ST6GAL2: variants seen among roughly 807,000 people sequenced by gnomAD.
ST6GAL2 encodes the protein ST6 beta-galactoside alpha-2,6-sialyltransferase 2, also known as beta-galactoside alpha-2,6-sialyltransferase 2.
A neutral mutation model predicts 37.5 loss-of-function variants in ST6GAL2; 24 were observed. The ratio of observed to expected loss-of-function variants is 0.64; its 90% CI spans 0.46 to 0.90. The LOEUF (loss-of-function observed/expected upper bound fraction) is 0.90, where lower values mean the gene tolerates loss of function less well. Ranked by LOEUF, ST6GAL2 falls within the 40% of genes least tolerant of loss-of-function variation. The pLI is 0.00. For missense variants in ST6GAL2, 715 were observed against 712.7 expected (o/e 1.00, Z -0.04); for synonymous variants, 306 against 295.1 (o/e 1.04, Z -0.38).
chr2:106,843,215 G>C lies in ST6GAL2; in HGVS notation c.763C>G (p.Leu255Val). 1 of 1,563,122 alleles carries C rather than the reference G, an allele frequency of 6.4e-7. No individual in the cohort carries two copies. Among genetic ancestry groups the C allele is most frequent in the Non-Finnish European group, 8.7e-7 (1 of 1,153,742 alleles). ...GTCCGCACGCGCGCGCGGCTCCGCA[G>C]CTGGCACAGCAGCTGTGCCCTGCTC... ...GLSRAQLLCQ[L>V]RSRARVRTLD... The change falls in exon 2 of 6, where the codon CTG becomes GTG. Residue 255 changes from leucine to valine, a missense_variant. Physicochemically the swap from Leu to Val is conservative, Grantham distance 32. Coordinates refer to ENST00000409382, the MANE Select transcript of ST6GAL2 (RefSeq NM_001142351.2).
intron 5 of ST6GAL2, among the ~76,000 whole-genome samples, chr2:106,810,954 A>AAAAT (rs57102776): frequency 3.8e-4 from 57 of 151,562 alleles, no homozygotes; most frequent in African/African-American, 1.3e-3. Flanking sequence ...GCATCCTGTC[A>AAAAT]AAATAAATAA....
chr2:106,802,358 T>C lies in ST6GAL2; in HGVS notation c.*4320A>G, dbSNP rs970814924. The C allele has an allele frequency of 6.6e-6, 1 of 151,596 alleles. No homozygotes were observed. The highest frequency in any genetic ancestry group is 2.4e-5 in the African/African-American group (1 of 41,246). The allele number at this position is 151,596 out of a possible 1,614,324, so 9.4% of individuals were successfully genotyped here. ...ACACAATTATATAACTATATCTACA[T>C]GTACACTTTTCATACTAAGAACTAG... On this transcript the variant is annotated 3_prime_UTR_variant, in exon 6 of 6. Coordinates refer to ENST00000409382, the MANE Select transcript of ST6GAL2 (RefSeq NM_001142351.2).
In ST6GAL2 at chr2:106,805,734, C is replaced by T. The variant is rs1324341596; in HGVS notation, c.*944G>A. On this transcript the variant is annotated 3_prime_UTR_variant, in exon 6 of 6. Coordinates refer to ENST00000409382, the MANE Select transcript of ST6GAL2 (RefSeq NM_001142351.2). ...CAGGGTGATGGCTCCAAAATCTTTC[C>T]TTCTAGTTTGGAAGGAGCAAGGTGT... The T allele has an allele frequency of 6.6e-6, 1 of 152,184 alleles. No individual in the cohort carries two copies. Among genetic ancestry groups the T allele is most frequent in the Admixed American group, 6.5e-5 (1 of 15,276 alleles). The allele number at this position is 152,184 out of a possible 1,614,324, so 9.4% of individuals were successfully genotyped here.
At chr2:106,853,903 C>T (rs1677471488) in intron 1 of ST6GAL2, among the ~76,000 whole-genome samples, 1 of 152,192 alleles carries the variant, frequency 6.6e-6, no homozygotes, top group African/African-American at 2.4e-5. Flanking sequence ...AAACAGCATT[C>T]ATCTGCTTTG....
At chr2:106,860,475 A>G (rs1241464563) in intron 1 of ST6GAL2, among the ~76,000 whole-genome samples, 2 of 152,166 alleles carry the variant, frequency 1.3e-5, no homozygotes, top group East Asian at 3.9e-4. Flanking sequence ...ACAAATGGCT[A>G]GTGAGGGGTT....
chr2:106,838,562 T>C (rs1003274079), intron 2 of ST6GAL2, among the ~76,000 whole-genome samples: 1 of 152,200 alleles, frequency 6.6e-6, no homozygotes, highest in East Asian at 1.9e-4. Context: ...ACAGTGACTA[T>C]CTGCAATGGC....
chr2:106,887,224 C>T (rs913905476), upstream of ST6GAL2: 2 of 152,360 alleles, frequency 1.3e-5, no homozygotes, highest in Non-Finnish European at 2.9e-5. Flanking sequence ...AGCGCAGCAT[C>T]CTCCCCGGCT....
chr2:106,865,957 C>A (rs531503319), intron 1 of ST6GAL2, among the ~76,000 whole-genome samples: 22 of 152,278 alleles, frequency 1.4e-4, no homozygotes, highest in African/African-American at 5.1e-4. Context: ...CATTTAATGA[C>A]CCTGACTTGC....
chr2:106,823,110 T>G (rs933740745), intron 5 of ST6GAL2: 1 of 152,152 alleles, frequency 6.6e-6, no homozygotes, highest in Non-Finnish European at 1.5e-5. Context: ...ATTTTGAAAC[T>G]TATTGTTCTT....
chr2:106,868,588 G>T (rs1678132313), intron 1 of ST6GAL2, among the ~76,000 whole-genome samples: 1 of 152,200 alleles, frequency 6.6e-6, no homozygotes. Context: ...CTCTAGCAGT[G>T]CTTCAAACAT....
chr2:106,808,574 A>C (rs1341794469), intron 5 of ST6GAL2, among the ~76,000 whole-genome samples: 1 of 152,058 alleles, frequency 6.6e-6, no homozygotes, highest in Non-Finnish European at 1.5e-5. Flanking sequence ...GATCAGCCTA[A>C]AGCACTGTGA....
intron 1 of ST6GAL2, among the ~76,000 whole-genome samples, chr2:106,845,465 G>A (rs1677106285): frequency 6.6e-6 from 1 of 152,204 alleles, no homozygotes; most frequent in African/African-American, 2.4e-5. Flanking sequence ...AGAAAGTAGG[G>A]TGATTCTGAG....
chr2:106,818,684 G>C (rs1482221724), intron 5 of ST6GAL2, among the ~76,000 whole-genome samples: 1 of 152,008 alleles, frequency 6.6e-6, no homozygotes, highest in Non-Finnish European at 1.5e-5. Flanking sequence ...CCAGACACCA[G>C]AAAACATCCA....
chr2:106,804,340 G>A lies in ST6GAL2; in HGVS notation c.*2338C>T, dbSNP rs941586922. On this transcript the variant is annotated 3_prime_UTR_variant, in exon 6 of 6. Transcript: ENST00000409382. ...ATGTCAGCCAAGGGGGATTATGCTG[G>A]ATAGTAAGGATGTCTACAAGTAAAT... 6.6e-6 allele frequency: 1 copy of A among 152,154 alleles called. No individual in the cohort carries two copies. The highest frequency in any genetic ancestry group is 2.1e-4 in the South Asian group (1 of 4,820). The allele number at this position is 152,154 out of a possible 1,614,324, so 9.4% of individuals were successfully genotyped here.
intron 4 of ST6GAL2, among the ~76,000 whole-genome samples, chr2:106,830,840 G>C (rs2104468990): frequency 6.6e-6 from 1 of 152,216 alleles, no homozygotes; most frequent in East Asian, 1.9e-4. Flanking sequence ...GAACTTTCTA[G>C]GGTGATGGAA....
chr2:106,812,845 A>T (rs1675660532), intron 5 of ST6GAL2, among the ~76,000 whole-genome samples: 1 of 152,352 alleles, frequency 6.6e-6, no homozygotes, highest in East Asian at 1.9e-4. Flanking sequence ...AATACAAATC[A>T]TCTAATAACA....
chr2:106,839,431 T>C (rs1263591752), intron 2 of ST6GAL2, among the ~76,000 whole-genome samples: 1 of 150,254 alleles, frequency 6.7e-6, no homozygotes, highest in Non-Finnish European at 1.5e-5. Flanking sequence ...ACACTGGAAT[T>C]GTCTGTTTAC....
At chr2:106,882,665 T>C (rs1457757680) in intron 1 of ST6GAL2, among the ~76,000 whole-genome samples, 11 of 152,234 alleles carry the variant, frequency 7.2e-5, no homozygotes, top group Admixed American at 7.2e-4. Flanking sequence ...GAAACTGAGC[T>C]CTGATAAGGC....
rs1675417739 is a variant in ST6GAL2 at position 106,806,487 on chromosome 2, A to G, written c.*191T>C. ...TTTCTTGAGCCTTATTTTTTTAAAA[A>G]AACCATTTCTATGTTCAAAGCAGTA... On this transcript the variant is annotated 3_prime_UTR_variant, in exon 6 of 6. Coordinates refer to ENST00000409382, the MANE Select transcript of ST6GAL2 (RefSeq NM_001142351.2). 1.5e-6 allele frequency: 1 copy of G among 659,902 alleles called. No individual in the cohort carries two copies. 40.9% of individuals were successfully genotyped at this position (659,902 alleles called of 1,614,324 possible). A position where few individuals can be genotyped will look rare whatever the true frequency, so the allele number is the denominator to read the frequency against.
Sources: allele counts gnomAD v4.1 joint callset (sites outside exome capture counted in the v4.1 genomes callset), GRCh38; gene constraint gnomAD v4.1.1; transcripts MANE v1.5; gene names NCBI Gene and HGNC (gene_info 2026-07-23, HGNC 2026-07-21).